The following ZMAT4 variants were observed in gnomAD, a reference collection of about 807,000 sequenced individuals.
The protein encoded by ZMAT4 is zinc finger matrin-type protein 4.
A neutral mutation model predicts 28.7 loss-of-function variants in ZMAT4; 17 were observed. The ratio of observed to expected loss-of-function variants is 0.59; its 90% CI spans 0.41 to 0.89. The LOEUF is 0.89. Ranked by LOEUF, ZMAT4 falls within the 40% of genes least tolerant of loss-of-function variation. The pLI is 0.00. For synonymous variants in ZMAT4, 117 were observed against 109.2 expected (o/e 1.07, Z -0.44); for missense variants, 240 against 283.8 (o/e 0.85, Z 1.11).
At chr8:40,539,643 A>G (rs1802963350) in intron 6 of ZMAT4, among the ~76,000 whole-genome samples, 1 of 152,206 alleles carries the variant, frequency 6.6e-6, no homozygotes, top group Admixed American at 6.5e-5. Context: ...ATGAAGATTA[A>G]ATGATATAAT....
chr8:40,584,455 C>T (rs1804596762), intron 5 of ZMAT4, among the ~76,000 whole-genome samples: 1 of 152,058 alleles, frequency 6.6e-6, no homozygotes, highest in Non-Finnish European at 1.5e-5. Context: ...AAAATTACTG[C>T]TCTATCATGG....
intron 5 of ZMAT4, among the ~76,000 whole-genome samples, chr8:40,583,324 A>G (rs1804555200): frequency 6.6e-6 from 1 of 152,196 alleles, no homozygotes; most frequent in South Asian, 2.1e-4. Flanking sequence ...GCTTGTCAGA[A>G]GAAAGGATAT....
intron 2 of ZMAT4, among the ~76,000 whole-genome samples, chr8:40,815,790 A>T (rs1181173190): frequency 6.6e-6 from 1 of 152,212 alleles, no homozygotes; most frequent in Non-Finnish European, 1.5e-5. Flanking sequence ...TGAAGAGAAA[A>T]GTCTAAGTCA....
chr8:40,780,325 TGAC>T (rs1431443069), intron 2 of ZMAT4, among the ~76,000 whole-genome samples: 3 of 152,238 alleles, frequency 2.0e-5, no homozygotes, highest in Non-Finnish European at 2.9e-5. Context: ...AATATAGTGT[TGAC>T]GATCTCATGT....
chr8:40,825,760 G>T, intron 1 of ZMAT4, 80 bp from the exon 2 acceptor site: 1 of 1,151,834 alleles, frequency 8.7e-7, no homozygotes, highest in Non-Finnish European at 1.2e-6. Flanking sequence ...TGAAAAGCCA[G>T]GATCACAGTA....
chr8:40,729,313 TG>T (rs1811436319), intron 3 of ZMAT4, among the ~76,000 whole-genome samples: 1 of 152,186 alleles, frequency 6.6e-6, no homozygotes, highest in Admixed American at 6.5e-5. Context: ...AGTATCCAAA[TG>T]GGAGGTCTGT....
chr8:40,859,985 A>T (rs1231743341), intron 1 of ZMAT4, among the ~76,000 whole-genome samples: 1 of 152,180 alleles, frequency 6.6e-6, no homozygotes, highest in Non-Finnish European at 1.5e-5. Context: ...GAAAAGTAAC[A>T]AATTTGTATG....
intron 1 of ZMAT4, among the ~76,000 whole-genome samples, chr8:40,893,368 C>T (rs557234219): frequency 9.2e-5 from 14 of 152,262 alleles, no homozygotes; most frequent in African/African-American, 2.2e-4. Flanking sequence ...CCTGTGAGAA[C>T]GTAGTCCTGA....
intron 3 of ZMAT4, among the ~76,000 whole-genome samples, chr8:40,759,697 C>T (rs909154518): frequency 1.3e-5 from 2 of 152,122 alleles, no homozygotes; most frequent in African/African-American, 4.8e-5. Flanking sequence ...GTCTTGGTCG[C>T]GCCCCACCCA....
At chr8:40,729,626 C>T (rs1158771594) in intron 3 of ZMAT4, among the ~76,000 whole-genome samples, 2 of 144,328 alleles carry the variant, frequency 1.4e-5, no homozygotes, top group Admixed American at 7.0e-5. Context: ...GAAGGAGTCT[C>T]GCTCTGTCAC....
chr8:40,894,455 C>T (rs747054982), intron 1 of ZMAT4, among the ~76,000 whole-genome samples: 7 of 151,846 alleles, frequency 4.6e-5, no homozygotes, highest in Non-Finnish European at 8.8e-5. Context: ...CAAAAAGTAA[C>T]CAGGAAAGAG....
intron 2 of ZMAT4, among the ~76,000 whole-genome samples, chr8:40,812,977 A>G (rs1350427294): frequency 6.7e-6 from 1 of 149,682 alleles, no homozygotes; most frequent in Admixed American, 6.7e-5. Flanking sequence ...AATTAAATTA[A>G]ATTAAATTAA....
chr8:40,860,551 G>T (rs1817452043), intron 1 of ZMAT4, among the ~76,000 whole-genome samples: 1 of 152,164 alleles, frequency 6.6e-6, no homozygotes, highest in Non-Finnish European at 1.5e-5. Flanking sequence ...AGAGCCACAG[G>T]GTGAGAATAG....
chr8:40,765,858 AT>A (rs752547685), intron 3 of ZMAT4, among the ~76,000 whole-genome samples: 5 of 152,210 alleles, frequency 3.3e-5, no homozygotes, highest in Admixed American at 6.5e-5. Flanking sequence ...AATGGCTATT[AT>A]ATGAAAGGAT....
At chr8:40,891,202 G>GGA (rs1327702364) in intron 1 of ZMAT4, among the ~76,000 whole-genome samples, 1 of 117,208 alleles carries the variant, frequency 8.5e-6, no homozygotes, top group Non-Finnish European at 1.8e-5. Context: ...GGAGAGGAGA[G>GGA]GAGAGGAGAG....
At chr8:40,623,357 C>T (rs994925469) in intron 5 of ZMAT4, among the ~76,000 whole-genome samples, 2 of 152,146 alleles carry the variant, frequency 1.3e-5, no homozygotes, top group African/African-American at 4.8e-5. Flanking sequence ...TCCTTTGATT[C>T]TGGAAAACAA....
chr8:40,725,887 T>C (rs889942801), intron 3 of ZMAT4, among the ~76,000 whole-genome samples: 1 of 152,246 alleles, frequency 6.6e-6, no homozygotes, highest in African/African-American at 2.4e-5. Flanking sequence ...GTAAAACTGA[T>C]AATAGTATTC....
At chr8:40,696,778 A>G (rs1412925310) in intron 4 of ZMAT4, among the ~76,000 whole-genome samples, 4 of 152,146 alleles carry the variant, frequency 2.6e-5, no homozygotes, top group Non-Finnish European at 5.9e-5. Flanking sequence ...GTACTTTTAA[A>G]GATTATAGTT....
At chr8:40,623,391 A>T (rs2118698455) in intron 5 of ZMAT4, among the ~76,000 whole-genome samples, 1 of 152,358 alleles carries the variant, frequency 6.6e-6, no homozygotes, top group Admixed American at 6.5e-5. Context: ...CTTGCAGGGT[A>T]AGTGTGAAGA....
Sources: allele counts gnomAD v4.1 joint callset (sites outside exome capture counted in the v4.1 genomes callset), GRCh38; gene constraint gnomAD v4.1.1; transcripts MANE v1.5; gene names NCBI Gene and HGNC (gene_info 2026-07-23, HGNC 2026-07-21).